Variants in OMA1 observed in about 807,000 individuals in gnomAD.
OMA1 encodes the protein OMA1 zinc metallopeptidase.
OMA1 carries 38 observed loss-of-function variants against 30.9 expected under a neutral mutation model. The observed-to-expected ratio is 1.23, with a 90% CI of 0.95 to 1.61. OMA1 has a LOEUF of 1.61. Among genes scored for constraint, OMA1 ranks in the 40% most tolerant of loss-of-function variants. The pLI, the probability that OMA1 is intolerant of heterozygous loss-of-function variation, is 0.00. For missense variants in OMA1, 461 were observed against 349.2 expected (o/e 1.32, Z -2.55); for synonymous variants, 173 against 121.9 (o/e 1.42, Z -2.76).
At chr1:58,504,790 A>G (rs1267715957) in intron 8 of OMA1, among the ~76,000 whole-genome samples, 1 of 152,176 alleles carries the variant, frequency 6.6e-6, no homozygotes, top group East Asian at 1.9e-4. Context: ...TTCTTATGAT[A>G]AATCATATCC....
At chr1:58,545,663 C>A (rs1346519444) in intron 1 of OMA1, among the ~76,000 whole-genome samples, 1 of 152,196 alleles carries the variant, frequency 6.6e-6, no homozygotes, top group Non-Finnish European at 1.5e-5. Flanking sequence ...ATCCTTAATT[C>A]TTTAAGTACC....
intron 7 of OMA1, among the ~76,000 whole-genome samples, chr1:58,517,310 C>T (rs1483560660): frequency 1.3e-5 from 2 of 152,180 alleles, no homozygotes; most frequent in Non-Finnish European, 2.9e-5. Flanking sequence ...TTATCTGTTG[C>T]CATTGGTGCT....
At chr1:58,496,109 C>G (rs1299821191) in intron 8 of OMA1, among the ~76,000 whole-genome samples, 1 of 151,794 alleles carries the variant, frequency 6.6e-6, no homozygotes, top group African/African-American at 2.4e-5. Context: ...GTATCTTTCC[C>G]ATTGTTATAT....
chr1:58,513,831 T>C (rs1646119258), intron 7 of OMA1, among the ~76,000 whole-genome samples: 1 of 152,278 alleles, frequency 6.6e-6, no homozygotes, highest in African/African-American at 2.4e-5. Flanking sequence ...ACTTTACAGA[T>C]TAGATGAAGA....
At chr1:58,488,306 A>C (rs1441464512) in intron 8 of OMA1, among the ~76,000 whole-genome samples, 1 of 152,114 alleles carries the variant, frequency 6.6e-6, no homozygotes, top group Non-Finnish European at 1.5e-5. Flanking sequence ...GATGATTGGA[A>C]CCATAACTTT....
At chr1:58,494,391 T>C (rs1645755732) in intron 8 of OMA1, among the ~76,000 whole-genome samples, 1 of 152,026 alleles carries the variant, frequency 6.6e-6, no homozygotes, top group African/African-American at 2.4e-5. Flanking sequence ...CCAAAAGCAA[T>C]GGCAACAAAA....
chr1:58,493,466 C>G (rs338257), intron 8 of OMA1, among the ~76,000 whole-genome samples: 61,629 of 149,742 alleles, frequency 0.41, 14,869 homozygotes, highest in African/African-American at 0.67. Flanking sequence ...AGGAAAAGAG[C>G]AAGTCAAATT....
Position 58,536,711 on chromosome 1 carries a change from A to G in OMA1, c.531T>C (p.Pro177=), listed in dbSNP as rs371362473. ...CTTTAACTACTTCCTTCTTGTTAGG[A>G]GGAAGTGCCTGCCACCATTTCCTTA... is the stretch of plus-strand genomic sequence containing the variant. The part of the protein sequence containing the change: ...RGIRKWWQAL[P]PNKKEVVKEN... Residue 177 remains proline (P), a synonymous_variant, in exon 3 of 9, where the codon CCT becomes CCC. Transcript: ENST00000371226. 3.4e-6 allele frequency: 3 copies of G among 872,704 alleles called. No homozygotes were observed. The highest frequency in any genetic ancestry group is 6.0e-6 in the Non-Finnish European group (3 of 501,564). 54.1% of individuals were successfully genotyped at this position (872,704 alleles called of 1,614,324 possible).
At chr1:58,484,854 C>T (rs1041933233) in intron 8 of OMA1, among the ~76,000 whole-genome samples, 3 of 152,008 alleles carry the variant, frequency 2.0e-5, no homozygotes, top group African/African-American at 7.2e-5. Context: ...CTGGAAAAGG[C>T]ACAACTATGG....
chr1:58,531,797 C>T (rs756805586), intron 5 of OMA1, among the ~76,000 whole-genome samples: 1 of 152,128 alleles, frequency 6.6e-6, no homozygotes, highest in Non-Finnish European at 1.5e-5. Context: ...GCAACCTCCG[C>T]CTCCAGGTTC....
chr1:58,521,840 A>G (rs75463408), intron 7 of OMA1, among the ~76,000 whole-genome samples: 16,373 of 152,218 alleles, frequency 0.11, 1,005 homozygotes, highest in Middle Eastern at 0.16. Context: ...TTTAAAAAAT[A>G]AATATAGCTA....
intron 7 of OMA1, among the ~76,000 whole-genome samples, chr1:58,522,588 C>T (rs1303667359): frequency 6.6e-6 from 1 of 150,984 alleles, no homozygotes; most frequent in Non-Finnish European, 1.5e-5. Flanking sequence ...GTACAGTTGA[C>T]CCTTGAACAA....
chr1:58,502,531 C>T (rs563183908), intron 8 of OMA1, among the ~76,000 whole-genome samples: 24 of 152,308 alleles, frequency 1.6e-4, no homozygotes, highest in Admixed American at 5.9e-4. Context: ...AACATAACTT[C>T]ACCATACTGC....
chr1:58,544,354 T>G (rs1646668804), intron 1 of OMA1, among the ~76,000 whole-genome samples: 1 of 152,048 alleles, frequency 6.6e-6, no homozygotes, highest in Non-Finnish European at 1.5e-5. Flanking sequence ...CAAAACAGAT[T>G]TTAAAAAACC....
Position 58,534,286 on chromosome 1 carries a change from G to A in OMA1, c.775C>T (p.Arg259Ter), listed in dbSNP as rs754509830. 1.0e-5 allele frequency: 9 copies of A among 868,022 alleles called. No individual in the cohort carries two copies. Among genetic ancestry groups the A allele is most frequent in the East Asian group, 7.2e-5 (3 of 41,530 alleles). 53.8% of individuals were successfully genotyped at this position (868,022 alleles called of 1,614,324 possible). A position where few individuals can be genotyped will look rare whatever the true frequency, so the allele number is the denominator to read the frequency against. ...KNDMLTEKDA[R>*]YLAVKEVLCH... ...AGCACTTCTTTAACAGCCAGGTATC[G>A]GGCATCTTTCTCAGTTAGCATATCA... The change falls in exon 4 of 9, where the codon CGA (arginine) becomes TGA (stop). Residue 259 changes from arginine to a stop codon, truncating the protein, a stop_gained. Transcript: ENST00000371226. LOFTEE classifies it high-confidence loss of function.
chr1:58,521,835 AAAAT>A (rs1646269673), intron 7 of OMA1, among the ~76,000 whole-genome samples: 1 of 152,218 alleles, frequency 6.6e-6, no homozygotes. Flanking sequence ...AAACGTTTAA[AAAAT>A]AAATATAGCT....
Position 58,538,899 on chromosome 1 carries a change from A to C in OMA1, c.396T>G (p.Ala132=). Reference sequence around the variant, plus strand: ...GTGGAGAAGTATGGAAATTCCTAATAGCTCTTATGGAAGCAGGGCTTAGAG... The same window carrying C: ...GTGGAGAAGTATGGAAATTCCTAATCGCTCTTATGGAAGCAGGGCTTAGAG... ...LHPLSPASIR[A]IRNFHTSPRF... Residue 132 remains alanine, a synonymous_variant, in exon 2 of 9, where the codon GCT becomes GCG. Transcript: ENST00000371226. 1.1e-6 allele frequency: 1 copy of C among 872,868 alleles called. No homozygotes were observed. Among genetic ancestry groups the C allele is most frequent in the Non-Finnish European group, 2.0e-6 (1 of 501,634 alleles). 54.1% of individuals were successfully genotyped at this position (872,868 alleles called of 1,614,324 possible).
At chr1:58,518,230 G>A (rs61781791) in intron 7 of OMA1, among the ~76,000 whole-genome samples, 2 of 6,666 alleles carry the variant, frequency 3.0e-4, no homozygotes, top group Admixed American at 2.1e-3. Flanking sequence ...AGAGGGGAGA[G>A]GGGAGAGGGG....
At chr1:58,514,520 A>G (rs1337458421) in intron 7 of OMA1, among the ~76,000 whole-genome samples, 1 of 152,056 alleles carries the variant, frequency 6.6e-6, no homozygotes, top group Admixed American at 6.5e-5. Context: ...CCCCCTTCCA[A>G]AGGTAAATCC....
Sources: gnomAD v4.1 joint callset for allele counts (sites outside exome capture counted in the v4.1 genomes callset) on GRCh38, gnomAD v4.1.1 for gene constraint, MANE v1.5 for transcripts, NCBI Gene and HGNC (gene_info 2026-07-23, HGNC 2026-07-21) for gene names.